The following SGCZ variants were observed in gnomAD, a reference collection of about 807,000 sequenced individuals.
SGCZ encodes zeta-sarcoglycan.
Under a neutral mutation model 41.3 loss-of-function variants are expected in SGCZ, and 40 were observed. The ratio of observed to expected loss-of-function variants is 0.97; its 90% CI spans 0.75 to 1.26. The LOEUF is 1.26. Among genes scored for constraint, SGCZ ranks in the 50% most tolerant of loss-of-function variants. The pLI is 0.00. For synonymous variants in SGCZ, 206 were observed against 137.5 expected, an observed-to-expected ratio of 1.50 and a Z score of -3.49; for missense variants, 552 against 369.8, an observed-to-expected ratio of 1.49 and a Z score of -4.04.
At chr8:14,515,643 C>G (rs1802598450) in intron 2 of SGCZ, among the ~76,000 whole-genome samples, 1 of 152,014 alleles carries the variant, frequency 6.6e-6, no homozygotes, top group Non-Finnish European at 1.5e-5. Flanking sequence ...TTTTGTCTAT[C>G]TGTAAGTTTA....
At chr8:14,113,949 T>C (rs553441799) in intron 5 of SGCZ, among the ~76,000 whole-genome samples, 1 of 152,190 alleles carries the variant, frequency 6.6e-6, no homozygotes, top group East Asian at 1.9e-4. Context: ...TTTCAAGATC[T>C]GAATCTAAAT....
intron 1 of SGCZ, among the ~76,000 whole-genome samples, chr8:14,954,924 T>C (rs1164908123): frequency 2.0e-5 from 3 of 152,202 alleles, no homozygotes; most frequent in Admixed American, 6.5e-5. Context: ...TTGTAACAGC[T>C]TATAATTCAA....
chr8:14,841,774 A>G (rs1054904865), intron 1 of SGCZ, among the ~76,000 whole-genome samples: 13 of 152,188 alleles, frequency 8.5e-5, no homozygotes, highest in Non-Finnish European at 1.8e-4. Context: ...AAGGGACTTC[A>G]GAAATCATTT....
chr8:15,180,971 A>G (rs1800158260), intron 1 of SGCZ, among the ~76,000 whole-genome samples: 1 of 152,198 alleles, frequency 6.6e-6, no homozygotes, highest in African/African-American at 2.4e-5. Context: ...AGGATAAAAA[A>G]TAGATATGCC....
intron 5 of SGCZ, among the ~76,000 whole-genome samples, chr8:14,131,790 T>C (rs912966448): frequency 6.6e-6 from 1 of 152,328 alleles, no homozygotes; most frequent in East Asian, 1.9e-4. Flanking sequence ...TGTATTTTTA[T>C]AGTACATTTT....
chr8:14,203,015 A>G (rs1412618101), intron 4 of SGCZ, among the ~76,000 whole-genome samples: 1 of 152,064 alleles, frequency 6.6e-6, no homozygotes, highest in African/African-American at 2.4e-5. Context: ...TAAAAATGGG[A>G]GTTTCCCTGT....
At chr8:14,962,962 C>T (rs1286824152) in intron 1 of SGCZ, among the ~76,000 whole-genome samples, 1 of 152,146 alleles carries the variant, frequency 6.6e-6, no homozygotes, top group Non-Finnish European at 1.5e-5. Flanking sequence ...AAAAGTAGGT[C>T]TCCTCAGGGT....
intron 1 of SGCZ, among the ~76,000 whole-genome samples, chr8:15,037,576 T>A (rs911772733): frequency 6.6e-6 from 1 of 152,140 alleles, no homozygotes; most frequent in South Asian, 2.1e-4. Context: ...AGAGAGAATG[T>A]CCACTCTCAC....
At chr8:14,638,532 T>A (rs1252721654) in intron 1 of SGCZ, among the ~76,000 whole-genome samples, 1 of 151,836 alleles carries the variant, frequency 6.6e-6, no homozygotes, top group Non-Finnish European at 1.5e-5. Flanking sequence ...GCAAGACACA[T>A]TATAAACTCC....
At chr8:14,707,627 T>C (rs1488903033) in intron 1 of SGCZ, among the ~76,000 whole-genome samples, 1 of 152,142 alleles carries the variant, frequency 6.6e-6, no homozygotes, top group Non-Finnish European at 1.5e-5. Context: ...ATTGCTTCTT[T>C]GTCTGTTACA....
chr8:15,049,000 T>C (rs1804416124), intron 1 of SGCZ, among the ~76,000 whole-genome samples: 2 of 152,110 alleles, frequency 1.3e-5, no homozygotes, highest in African/African-American at 4.8e-5. Context: ...GTTTTCTAAG[T>C]TTTCCTCAAA....
intron 2 of SGCZ, among the ~76,000 whole-genome samples, chr8:14,525,533 T>G (rs528035964): frequency 2.0e-5 from 3 of 152,268 alleles, no homozygotes; most frequent in African/African-American, 7.2e-5. Context: ...ATTGCCATGA[T>G]CATGAGAAAG....
intron 4 of SGCZ, among the ~76,000 whole-genome samples, chr8:14,229,028 G>A (rs1371554257): frequency 6.6e-6 from 1 of 152,050 alleles, no homozygotes; most frequent in Admixed American, 6.6e-5. Flanking sequence ...CAAGGGCATA[G>A]GGTACTTGGA....
chr8:15,166,064 C>T (rs1183860417), intron 1 of SGCZ, among the ~76,000 whole-genome samples: 1 of 152,108 alleles, frequency 6.6e-6, no homozygotes. Flanking sequence ...TTTTAAACCT[C>T]GAACATTTAA....
intron 1 of SGCZ, among the ~76,000 whole-genome samples, chr8:14,689,124 T>A (rs2095421967): frequency 1.3e-5 from 2 of 152,136 alleles, no homozygotes. Context: ...TACTCTTGAG[T>A]AGCTCTTTAA....
In SGCZ at chr8:15,141,352, A is replaced by C. The variant is rs76126967; in HGVS notation, c.39+96233T>G. Among the ~76,000 whole-genome samples, 1,809 of 152,326 alleles carry C rather than the reference A, an allele frequency of 0.012. 97 individuals carry two copies. In the East Asian group the frequency reaches 0.17, roughly 15 times the overall value. On this transcript the variant is annotated intron_variant, in intron 1 of 7. Transcript: ENST00000382080. ...ACTTTACACAGTATTTCAATGAGTC[A>C]TGTTGATTTAGGTATAAATTCTTAG...
chr8:14,660,497 A>G (rs1196625031), intron 1 of SGCZ, among the ~76,000 whole-genome samples: 1 of 145,756 alleles, frequency 6.9e-6, no homozygotes, highest in Non-Finnish European at 1.5e-5. Flanking sequence ...GCTTGAAACC[A>G]GAGGCGGAGG....
intron 2 of SGCZ, among the ~76,000 whole-genome samples, chr8:14,542,157 T>C (rs998676180): frequency 2.0e-5 from 3 of 152,142 alleles, no homozygotes; most frequent in Non-Finnish European, 4.4e-5. Context: ...TTGTCAATTT[T>C]GGCTTTTGTT....
At chr8:15,164,846 T>G (rs779180645) in intron 1 of SGCZ, among the ~76,000 whole-genome samples, 1 of 152,130 alleles carries the variant, frequency 6.6e-6, no homozygotes. Flanking sequence ...TGTAACCCCT[T>G]GGCAACGCTT....
Sources: allele counts gnomAD v4.1 joint callset (sites outside exome capture counted in the v4.1 genomes callset), GRCh38; gene constraint gnomAD v4.1.1; transcripts MANE v1.5; gene names NCBI Gene and HGNC (gene_info 2026-07-23, HGNC 2026-07-21).